EPG5: variants seen among roughly 807,000 people sequenced by gnomAD.
The protein encoded by EPG5 is ectopic P granules protein 5 homolog.
Under a neutral mutation model 302.7 loss-of-function variants are expected in EPG5, and 159 were observed. The observed-to-expected ratio is 0.53, with a 90% CI of 0.46 to 0.60. The LOEUF (loss-of-function observed/expected upper bound fraction) is 0.60. EPG5 is among the 20% of genes least tolerant of loss of function. EPG5 has a pLI of 0.00. For missense variants in EPG5, 2,896 were observed against 3,092.4 expected (o/e 0.94, Z 1.51); for synonymous variants, 1,158 against 1,136.8 (o/e 1.02, Z -0.37).
intron 27 of EPG5, among the ~76,000 whole-genome samples, chr18:45,895,067 G>A (rs566725029): frequency 6.1e-4 from 93 of 152,266 alleles, no homozygotes; most frequent in African/African-American, 2.1e-3. Context: ...ACACAGAGAA[G>A]GGAATGTCAC....
At position 45,955,093 on chromosome 18, in the gene EPG5, T is replaced by TG; in HGVS notation, c.308dup (p.Glu105GlyfsTer27). 6.2e-7 allele frequency: 1 copy of TG among 1,613,888 alleles called. No individual in the cohort carries two copies. The highest frequency in any genetic ancestry group is 1.1e-5 in the South Asian group (1 of 91,050). ...AGGGTCTGGCCTCTCCCCCTTCCTT[T>TG]GGGGGCTCTGTGTTACACGTCAGGG... On this transcript the variant is annotated frameshift_variant, in exon 2 of 44. Coordinates refer to ENST00000282041, the MANE Select transcript of EPG5 (RefSeq NM_020964.3). LOFTEE classifies it high-confidence loss of function.
chr18:45,804,602 G>C, the EPG5 span, among the ~76,000 whole-genome samples: 1 of 152,178 alleles, frequency 6.6e-6, no homozygotes, highest in Non-Finnish European at 1.5e-5. Flanking sequence ...GGCCAACACA[G>C]TGAACCAACA....
intron 35 of EPG5, among the ~76,000 whole-genome samples, chr18:45,875,238 C>T (rs948239660): frequency 1.3e-5 from 2 of 152,142 alleles, no homozygotes; most frequent in African/African-American, 4.8e-5. Flanking sequence ...TAAATATGGG[C>T]TCACAATACA....
At chr18:45,827,045 G>A in the EPG5 span, among the ~76,000 whole-genome samples, 2 of 152,178 alleles carry the variant, frequency 1.3e-5, no homozygotes, top group South Asian at 2.1e-4. Context: ...CTCCCAAGTA[G>A]CTGGGATTAC....
At chr18:45,886,551 C>T (rs944968409) in intron 29 of EPG5, among the ~76,000 whole-genome samples, 4 of 152,104 alleles carry the variant, frequency 2.6e-5, no homozygotes, top group Admixed American at 2.6e-4. Flanking sequence ...ACAAGACAAA[C>T]TATAATGAAA....
At chr18:45,906,467 G>A (rs534105938) in intron 24 of EPG5, among the ~76,000 whole-genome samples, 1 of 152,026 alleles carries the variant, frequency 6.6e-6, no homozygotes, top group East Asian at 1.9e-4. Context: ...ATATGTCGCT[G>A]CACATACTGG....
At chr18:45,932,658 C>T (rs1198836923) in intron 11 of EPG5, among the ~76,000 whole-genome samples, 1 of 152,070 alleles carries the variant, frequency 6.6e-6, no homozygotes, top group East Asian at 1.9e-4. Flanking sequence ...AAAGATTAAG[C>T]AAAGGAGAAG....
At chr18:45,870,297 C>T (rs542469825) in intron 36 of EPG5, among the ~76,000 whole-genome samples, 6 of 152,280 alleles carry the variant, frequency 3.9e-5, no homozygotes, top group African/African-American at 1.2e-4. Flanking sequence ...CATTAAACTA[C>T]GTACTCACAC....
chr18:45,819,646 C>A, the EPG5 span, among the ~76,000 whole-genome samples: 1 of 152,184 alleles, frequency 6.6e-6, no homozygotes, highest in African/African-American at 2.4e-5. Context: ...AGAGGATGCA[C>A]ATTAATTAAT....
intron 10 of EPG5, 38 bp downstream of exon 10, chr18:45,939,562 G>A: frequency 2.5e-6 from 4 of 1,593,256 alleles, no homozygotes; most frequent in Non-Finnish European, 3.4e-6. Flanking sequence ...TAGTGAGGAA[G>A]TTACTTCTCA....
chr18:45,932,654 T>G (rs185713707), intron 11 of EPG5, among the ~76,000 whole-genome samples: 2 of 152,192 alleles, frequency 1.3e-5, no homozygotes, highest in African/African-American at 4.8e-5. Flanking sequence ...TATAAAAGAT[T>G]AAGCAAAGGA....
chr18:45,801,416 C>T, the EPG5 span, among the ~76,000 whole-genome samples: 1 of 152,128 alleles, frequency 6.6e-6, no homozygotes, highest in African/African-American at 2.4e-5. Flanking sequence ...CAATCCTCCT[C>T]CCTTGGCCTT....
intron 11 of EPG5, among the ~76,000 whole-genome samples, chr18:45,932,608 A>G (rs2050418759): frequency 6.6e-6 from 1 of 152,226 alleles, no homozygotes. Context: ...ATTCTTCCAC[A>G]AACAATAAAA....
chr18:45,832,824 C>G, the EPG5 span, among the ~76,000 whole-genome samples: 1 of 152,128 alleles, frequency 6.6e-6, no homozygotes, highest in South Asian at 2.1e-4. Flanking sequence ...CCAAAGCAAG[C>G]GCATTTTTTT....
At chr18:45,894,880 C>T (rs1316752014) in intron 27 of EPG5, among the ~76,000 whole-genome samples, 1 of 152,008 alleles carries the variant, frequency 6.6e-6, no homozygotes, top group Non-Finnish European at 1.5e-5. Context: ...TTTGATACTG[C>T]CAAGTAAATA....
chr18:45,889,073 C>G (rs1328021885), intron 28 of EPG5, among the ~76,000 whole-genome samples: 1 of 152,186 alleles, frequency 6.6e-6, no homozygotes, highest in South Asian at 2.1e-4. Context: ...CTGGTCTCCT[C>G]CTTCCCAGGA....
At chr18:45,889,555 A>G (rs2049293663) in intron 28 of EPG5, among the ~76,000 whole-genome samples, 1 of 152,156 alleles carries the variant, frequency 6.6e-6, no homozygotes, top group Non-Finnish European at 1.5e-5. Context: ...CAACCACTCA[A>G]TCCTTCTGCT....
intron 1 of EPG5, among the ~76,000 whole-genome samples, chr18:45,959,387 C>T (rs763091491): frequency 3.9e-5 from 6 of 152,012 alleles, no homozygotes; most frequent in Non-Finnish European, 2.9e-5. Context: ...CGGCTCACAC[C>T]TGTAATCCCA....
chr18:45,902,258 A>G (rs889442117), intron 25 of EPG5, among the ~76,000 whole-genome samples: 3 of 152,250 alleles, frequency 2.0e-5, no homozygotes, highest in Non-Finnish European at 2.9e-5. Context: ...AACATTTCAA[A>G]TAGGTCAAGT....
Sources: allele counts gnomAD v4.1 joint callset (sites outside exome capture counted in the v4.1 genomes callset), GRCh38; gene constraint gnomAD v4.1.1; transcripts MANE v1.5; gene names NCBI Gene and HGNC (gene_info 2026-07-23, HGNC 2026-07-21).